TENM1: variants seen among roughly 807,000 people sequenced by gnomAD.
TENM1 encodes teneurin-1.
In TENM1, 35 loss-of-function variants were observed where a neutral mutation model predicts 174.8. The ratio of observed to expected loss-of-function variants is 0.20; its 90% CI spans 0.15 to 0.27. TENM1 has a LOEUF of 0.27. Ranked by LOEUF, TENM1 falls within the 10% of genes least tolerant of loss-of-function variation. The pLI is 1.00. For missense variants in TENM1, 1,633 were observed against 2,130.1 expected (o/e 0.77, Z 4.59); for synonymous variants, 781 against 798.7 (o/e 0.98, Z 0.37).
intron 28 of TENM1, among the ~76,000 whole-genome samples, chrX:124,387,116 T>C (rs1049323194): frequency 1.9e-5 from 2 of 107,231 alleles, no homozygotes; most frequent in East Asian, 2.9e-4. Context: ...TATGGCACTA[T>C]TAATGTTTTG....
the TENM1 span, among the ~76,000 whole-genome samples, chrX:125,057,382 CTGTA>C: frequency 1.2e-5 from 1 of 80,915 alleles, no homozygotes; most frequent in Non-Finnish European, 2.1e-5. Context: ...ACACACATTA[CTGTA>C]TGTATTACTT....
chrX:124,975,566 T>C, the TENM1 span, among the ~76,000 whole-genome samples: 1 of 111,889 alleles, frequency 8.9e-6, no homozygotes, highest in East Asian at 2.8e-4. Context: ...TCTTCAGCAT[T>C]AGCTTAGTGA....
At chrX:124,744,170 AG>A (rs778757075) in intron 3 of TENM1, among the ~76,000 whole-genome samples, 70 of 112,256 alleles carry the variant, frequency 6.2e-4, no homozygotes, top group African/African-American at 2.2e-3. Flanking sequence ...CAAGAAAAAA[AG>A]ATAAGGCTGT....
the TENM1 span, among the ~76,000 whole-genome samples, chrX:125,099,170 C>CA: frequency 3.6e-5 from 4 of 111,843 alleles, no homozygotes; most frequent in Non-Finnish European, 7.5e-5. Flanking sequence ...TGCACAAGAG[C>CA]AAAAGGTTTT....
At chrX:125,083,805 T>C in the TENM1 span, among the ~76,000 whole-genome samples, 1 of 111,127 alleles carries the variant, frequency 9.0e-6, no homozygotes, top group South Asian at 3.8e-4. Flanking sequence ...GTTCAGAAAA[T>C]AGGTCACTGT....
chrX:124,856,653 A>G (rs2056819804), intron 3 of TENM1, among the ~76,000 whole-genome samples: 1 of 111,401 alleles, frequency 9.0e-6, no homozygotes, highest in Non-Finnish European at 1.9e-5. Context: ...ATTCACCAAC[A>G]TTTGATGGGT....
chrX:124,856,436 A>G (rs1345017275), intron 3 of TENM1, among the ~76,000 whole-genome samples: 2 of 111,691 alleles, frequency 1.8e-5, no homozygotes, highest in African/African-American at 6.5e-5. Context: ...ATAATGCCTT[A>G]TATTTAAGTG....
intron 27 of TENM1, among the ~76,000 whole-genome samples, chrX:124,404,696 AT>A (rs1452453865): frequency 9.0e-6 from 1 of 111,204 alleles, no homozygotes; most frequent in African/African-American, 3.3e-5. Flanking sequence ...TCTCCAGGGC[AT>A]GCTGGGAGGG....
chrX:124,938,001 AT>A (rs1463840933), intron 1 of TENM1, among the ~76,000 whole-genome samples: 1 of 111,869 alleles, frequency 8.9e-6, no homozygotes, highest in Non-Finnish European at 1.9e-5. Flanking sequence ...TTTCACTGAA[AT>A]TTAGCCAAAA....
At chrX:124,485,296 A>G (rs753219678) in intron 21 of TENM1, among the ~76,000 whole-genome samples, 32 of 111,422 alleles carry the variant, frequency 2.9e-4, no homozygotes, top group African/African-American at 8.1e-4. Flanking sequence ...TGGAACCACC[A>G]TAACAGGTGC....
the TENM1 span, among the ~76,000 whole-genome samples, chrX:124,979,861 G>T: frequency 9.0e-6 from 1 of 111,324 alleles, no homozygotes; most frequent in African/African-American, 3.3e-5. Context: ...ATCTTCTTTG[G>T]GTTTTCATTT....
At chrX:124,510,160 C>T (rs773259732) in intron 18 of TENM1, among the ~76,000 whole-genome samples, 2 of 110,277 alleles carry the variant, frequency 1.8e-5, no homozygotes, top group African/African-American at 3.4e-5. Flanking sequence ...CATGAGGAAA[C>T]TATATTTACT....
chrX:124,976,036 A>G, the TENM1 span, among the ~76,000 whole-genome samples: 1 of 111,548 alleles, frequency 9.0e-6, no homozygotes. Context: ...GTTTTAAAAA[A>G]TACAAGTACC....
At chrX:124,651,865 C>G in intron 8 of TENM1, 49 bp downstream of exon 11, 1 of 1,180,788 alleles carries the variant, frequency 8.5e-7, no homozygotes, top group Non-Finnish European at 1.1e-6. Flanking sequence ...CTGATTGTGT[C>G]TTTCTAGGGT....
At chrX:124,935,354 A>C (rs1322105331) in intron 1 of TENM1, among the ~76,000 whole-genome samples, 1 of 111,043 alleles carries the variant, frequency 9.0e-6, no homozygotes, top group African/African-American at 3.3e-5. Flanking sequence ...ATTTTTCCTA[A>C]CACAGCCTTT....
intron 11 of TENM1, among the ~76,000 whole-genome samples, chrX:124,566,509 GT>G (rs2048945737): frequency 8.9e-6 from 1 of 112,197 alleles, no homozygotes; most frequent in African/African-American, 3.2e-5. Flanking sequence ...AGGAAGAGAA[GT>G]AGGATAAAAA....
chrX:124,614,651 G>C (rs763030455), intron 11 of TENM1, among the ~76,000 whole-genome samples: 53 of 112,523 alleles, frequency 4.7e-4, no homozygotes, highest in African/African-American at 1.5e-3. Context: ...GGGAGGCCTA[G>C]GCGGGCAGAT....
At chrX:124,612,963 C>A (rs1297846578) in intron 11 of TENM1, among the ~76,000 whole-genome samples, 2 of 111,410 alleles carry the variant, frequency 1.8e-5, no homozygotes, top group East Asian at 2.8e-4. Flanking sequence ...ACCAGTCCTG[C>A]AATCTATTTT....
At chrX:124,519,842 G>T (rs73550484) in intron 18 of TENM1, among the ~76,000 whole-genome samples, 25,143 of 110,678 alleles carry the variant, frequency 0.23, 3,014 homozygotes, top group African/African-American at 0.47. Context: ...GAATAGTATA[G>T]TATAGTGAGT....
Sources: allele counts gnomAD v4.1 joint callset (sites outside exome capture counted in the v4.1 genomes callset), GRCh38; gene constraint gnomAD v4.1.1; transcripts MANE v1.5; gene names NCBI Gene and HGNC (gene_info 2026-07-23, HGNC 2026-07-21).